MORC3: variants seen among roughly 807,000 people sequenced by gnomAD.
The protein encoded by MORC3 is MORC family CW-type zinc finger protein 3.
MORC3 carries 31 observed loss-of-function variants against 109.1 expected under a neutral mutation model. That is an observed-to-expected ratio of 0.28 (90% CI 0.21 to 0.38). The LOEUF is 0.38. Among genes scored for constraint, MORC3 ranks in the 10% least tolerant of loss-of-function variants. The probability of loss-of-function intolerance (pLI) is 1.00; values close to 1 mark genes in which losing one functional copy is unlikely to be tolerated. For synonymous variants in MORC3, 395 were observed against 380.7 expected (o/e 1.04, Z -0.44); for missense variants, 867 against 1,135.8 (o/e 0.76, Z 3.40).
chr21:36,369,729 T>G lies in MORC3; in HGVS notation c.2361T>G (p.Cys787Trp). Residue 787 changes from cysteine (C) to tryptophan (W), a missense_variant, in exon 15 of 17, where the codon TGT (cysteine) becomes TGG (tryptophan). Physicochemically the swap from Cys to Trp is radical, Grantham distance 215. Around this residue, in one of 7 missense-constraint regions of MORC3, gnomAD observed 486 missense variants for 502.1 expected, o/e 0.97. Coordinates refer to ENST00000400485, the MANE Select transcript of MORC3 (RefSeq NM_015358.3). The stretch of plus-strand genomic sequence containing the variant: ...AAATAGAAAGGCTGAAAAAACAATG[T>G]AGTGCTTTGCAACATGTAAAGGCTG... Reference protein sequence around the residue: ...LEEIERLKKQCSALQHVKAEC... With the variant: ...LEEIERLKKQWSALQHVKAEC... 1 of 1,614,158 alleles carries G rather than the reference T, an allele frequency of 6.2e-7. No individual in the cohort carries two copies. Among genetic ancestry groups the G allele is most frequent in the South Asian group, 1.1e-5 (1 of 91,084 alleles).
At chr21:36,320,574 C>G (rs1158921807) in intron 1 of MORC3, 1 of 324,292 alleles carries the variant, frequency 3.1e-6, no homozygotes, top group Admixed American at 5.0e-5. Context: ...CTCCTAGTCT[C>G]CCAGCAGCTG....
intron 1 of MORC3, among the ~76,000 whole-genome samples, chr21:36,330,555 C>G (rs958149987): frequency 1.3e-5 from 2 of 152,228 alleles, no homozygotes; most frequent in South Asian, 4.1e-4. Flanking sequence ...CCGACCACCT[C>G]AGGCACATGT....
chr21:36,337,364 C>T (rs1386574962), intron 3 of MORC3, among the ~76,000 whole-genome samples: 1 of 152,148 alleles, frequency 6.6e-6, no homozygotes, highest in African/African-American at 2.4e-5. Context: ...GGGGTGAAAT[C>T]TCACAGTCCC....
chr21:36,356,696 C>T lies in MORC3; in HGVS notation c.1180C>T (p.Pro394Ser). 1 of 1,595,496 alleles carries T rather than the reference C, an allele frequency of 6.3e-7. No individual in the cohort carries two copies. The highest frequency in any genetic ancestry group is 2.3e-5 in the East Asian group (1 of 43,816). Residue 394 changes from proline (P) to serine (S), a missense_variant, in exon 10 of 17, where the codon CCT (proline) becomes TCT (serine). By Grantham distance (74) the Pro-to-Ser change is moderately conservative. Transcript: ENST00000400485. ...EMKVKKNTEY[P>S]LNLPVEDIQK... ...GAAAGTGAAGAAAAATACAGAATATCCTCTAAATTTGCCAGTTGAAGATAT... is the reference window on the plus strand; with the variant it reads ...GAAAGTGAAGAAAAATACAGAATATTCTCTAAATTTGCCAGTTGAAGATAT...
chr21:36,347,352 A>C (rs1266221398), intron 8 of MORC3, among the ~76,000 whole-genome samples: 5 of 152,202 alleles, frequency 3.3e-5, no homozygotes, highest in Admixed American at 2.6e-4. Flanking sequence ...ACAGAATGTA[A>C]ATTTTTTTCT....
intron 9 of MORC3, among the ~76,000 whole-genome samples, chr21:36,351,135 T>A (rs1234584569): frequency 6.9e-6 from 1 of 145,130 alleles, no homozygotes; most frequent in Admixed American, 7.3e-5. Context: ...CCCCCAGGTC[T>A]TAGCTTATTG....
intron 14 of MORC3, among the ~76,000 whole-genome samples, chr21:36,364,817 C>T (rs141018301): frequency 0.025 from 3,766 of 151,444 alleles, 66 homozygotes; most frequent in Admixed American, 0.047. Context: ...TTTGGGAGGC[C>T]GAGGTGGGTG....
rs1351359896 is a variant in MORC3 at position 36,369,177 on chromosome 21, T to G, written c.1809T>G (p.Val603=). 3 of 1,614,018 alleles carry G rather than the reference T, an allele frequency of 1.9e-6. No individual in the cohort carries two copies. The African/African-American group carries it at 4.0e-5, about 22-fold the overall frequency. ...ACATGAAATCAGAACAGAGTCACGT[T>G]GAGCAAGGTGGTGTTCAGGTTGAGT... ...DIDMKSEQSH[V]EQGGVQVEFV... Residue 603 remains valine (V), a synonymous_variant, in exon 15 of 17, where the codon GTT becomes GTG. Coordinates refer to ENST00000400485, the MANE Select transcript of MORC3 (RefSeq NM_015358.3).
At chr21:36,352,923 A>G (rs1178858160) in intron 9 of MORC3, among the ~76,000 whole-genome samples, 3 of 151,504 alleles carry the variant, frequency 2.0e-5, no homozygotes, top group Non-Finnish European at 2.9e-5. Flanking sequence ...GTGAGCTGTG[A>G]TAGTGCCACT....
chr21:36,343,541 T>G (rs2146307173), intron 6 of MORC3, among the ~76,000 whole-genome samples: 1 of 150,822 alleles, frequency 6.6e-6, no homozygotes, highest in East Asian at 2.0e-4. Flanking sequence ...CTCCGGCTCC[T>G]GGGTTCAAGC....
intron 9 of MORC3, 36 bp from the exon 10 acceptor site, chr21:36,356,584 A>G: frequency 1.6e-6 from 2 of 1,236,238 alleles, no homozygotes; most frequent in Non-Finnish European, 2.2e-6. Context: ...ATGTTTGAAA[A>G]GAATTTTTTC....
intron 10 of MORC3, among the ~76,000 whole-genome samples, chr21:36,357,430 A>G (rs2085657284): frequency 6.6e-6 from 1 of 152,114 alleles, no homozygotes; most frequent in African/African-American, 2.4e-5. Context: ...TTATATTTAA[A>G]AAAAGTTTTA....
chr21:36,354,325 T>TTC (rs1275664943), intron 9 of MORC3, among the ~76,000 whole-genome samples: 2 of 140,418 alleles, frequency 1.4e-5, no homozygotes, highest in South Asian at 2.3e-4. Context: ...CTTTCTTTCT[T>TTC]TTTTTTTTTT....
chr21:36,373,103 G>A (rs1356372496), intron 16 of MORC3, among the ~76,000 whole-genome samples: 1 of 152,212 alleles, frequency 6.6e-6, no homozygotes, highest in East Asian at 1.9e-4. Flanking sequence ...ACTTTGGGAG[G>A]CTGAGTTGGG....
chr21:36,344,772 C>T, intron 7 of MORC3, 65 bp downstream of exon 7: 2 of 1,594,174 alleles, frequency 1.3e-6, no homozygotes, highest in Non-Finnish European at 1.7e-6. Flanking sequence ...GCCCCTTTCC[C>T]CTTATATGCT....
At position 36,320,298 on chromosome 21, in the gene MORC3, A is replaced by T. The variant is rs1453744472; in HGVS notation, c.34A>T (p.Ser12Cys). The T allele has an allele frequency of 1.3e-6, 2 of 1,550,984 alleles. No homozygotes were observed. Among genetic ancestry groups the T allele is most frequent in the South Asian group, 2.3e-5 (2 of 85,346 alleles). ...GCAGCCACCCCGCGGGATACGCCTC[A>T]GCGCGGTGAGCAGCCGCGAGGGGTG... is the stretch of plus-strand genomic sequence containing the variant. ...AAQPPRGIRL[S>C]ALCPKFLHTN... Residue 12 changes from serine (S) to cysteine (C), a missense_variant, in exon 1 of 17, where the codon AGC becomes TGC. Around this residue, in one of 7 missense-constraint regions of MORC3, gnomAD observed 33 missense variants for 18.5 expected, o/e 1.78. Transcript: ENST00000400485.
intron 9 of MORC3, among the ~76,000 whole-genome samples, chr21:36,354,355 G>T (rs1234718885): frequency 1.7e-5 from 2 of 117,904 alleles, no homozygotes; most frequent in East Asian, 2.7e-4. Flanking sequence ...ATGGAGTCTC[G>T]CTCTGTTGCC....
chr21:36,337,239 AGTT>A (rs1284491348), intron 3 of MORC3, among the ~76,000 whole-genome samples: 4 of 152,124 alleles, frequency 2.6e-5, no homozygotes, highest in African/African-American at 9.7e-5. Flanking sequence ...ATTCCTTTAG[AGTT>A]GTAGTATATT....
Position 36,364,122 on chromosome 21 carries a change from T to A in MORC3, c.1482T>A (p.Thr494=). The part of the protein sequence containing the change: ...RINAELLFRP[T]ALSTPSFSSP... ...ATGCTGAACTGTTGTTTCGGCCAAC[T>A]GCTCTTTCAACTCCAAGCTTTTCTT... The change falls in exon 14 of 17, where the codon ACT becomes ACA. Residue 494 remains threonine (T), a synonymous_variant. Transcript: ENST00000400485. The A allele has an allele frequency of 6.2e-7, 1 of 1,614,122 alleles. No homozygotes were observed. Among genetic ancestry groups the A allele is most frequent in the Non-Finnish European group, 8.5e-7 (1 of 1,180,028 alleles).
Sources: gnomAD v4.1 joint callset for allele counts (sites outside exome capture counted in the v4.1 genomes callset) on GRCh38, gnomAD v4.1.1 for gene constraint, gnomAD v4.1.1 regional missense constraint, MANE v1.5 for transcripts, NCBI Gene and HGNC (gene_info 2026-07-23, HGNC 2026-07-21) for gene names.